GOSR1: variants seen among roughly 807,000 people sequenced by gnomAD.
GOSR1 encodes the protein 28 kDa Golgi SNARE protein.
A neutral mutation model predicts 35.5 loss-of-function variants in GOSR1; 21 were observed. The ratio of observed to expected loss-of-function variants is 0.59; its 90% CI spans 0.42 to 0.85. The LOEUF (loss-of-function observed/expected upper bound fraction) is 0.85. Among genes scored for constraint, GOSR1 ranks in the 40% least tolerant of loss-of-function variants. GOSR1 has a pLI of 0.00. For missense variants in GOSR1, 285 were observed against 309.6 expected, an observed-to-expected ratio of 0.92 and a Z score of 0.60; for synonymous variants, 94 against 106.6, an observed-to-expected ratio of 0.88 and a Z score of 0.73.
intron 1 of GOSR1, 94 bp downstream of exon 1, chr17:30,477,558 A>G: frequency 6.9e-7 from 1 of 1,445,358 alleles, no homozygotes; most frequent in Non-Finnish European, 9.3e-7. Context: ...AAAGAACCAG[A>G]CTCCCGGAGC....
chr17:30,497,023 T>G (rs1376155932), intron 6 of GOSR1, among the ~76,000 whole-genome samples: 1 of 152,252 alleles, frequency 6.6e-6, no homozygotes, highest in Non-Finnish European at 1.5e-5. Flanking sequence ...GTAGTCATGA[T>G]ATTTAAAATA....
intron 6 of GOSR1, among the ~76,000 whole-genome samples, chr17:30,502,607 G>A (rs1210195352): frequency 6.6e-6 from 1 of 152,062 alleles, no homozygotes; most frequent in African/African-American, 2.4e-5. Flanking sequence ...TTCACTTTCT[G>A]TCTCCCGGTA....
chr17:30,482,651 G>A (rs1183037142), intron 2 of GOSR1, among the ~76,000 whole-genome samples: 1 of 152,142 alleles, frequency 6.6e-6, no homozygotes, highest in Non-Finnish European at 1.5e-5. Context: ...GTATACATTT[G>A]AACAAAAAGC....
chr17:30,516,515 C>T (rs1218898259), intron 7 of GOSR1, among the ~76,000 whole-genome samples: 2 of 151,432 alleles, frequency 1.3e-5, no homozygotes, highest in Non-Finnish European at 2.9e-5. Context: ...TGGTAGTACC[C>T]CTCCATTCTT....
intron 2 of GOSR1, 114 bp downstream of exon 2, chr17:30,481,371 T>A (rs954387625): frequency 1.5e-6 from 1 of 666,220 alleles, no homozygotes; most frequent in Non-Finnish European, 2.5e-6. Context: ...ATTTTTGGTG[T>A]TTTGTTTTGC....
chr17:30,499,026 TC>T (rs1486471464), intron 6 of GOSR1, among the ~76,000 whole-genome samples: 2 of 152,166 alleles, frequency 1.3e-5, no homozygotes, highest in African/African-American at 2.4e-5. Context: ...CGTCCCTCAG[TC>T]CCGGGCAGCT....
chr17:30,516,103 T>A (rs1967797391), intron 7 of GOSR1, among the ~76,000 whole-genome samples: 1 of 152,054 alleles, frequency 6.6e-6, no homozygotes, highest in South Asian at 2.1e-4. Context: ...TTTCTTTTAT[T>A]AGACACTTGT....
At chr17:30,517,516 A>G (rs1041821658) in intron 7 of GOSR1, among the ~76,000 whole-genome samples, 17 of 152,012 alleles carry the variant, frequency 1.1e-4, no homozygotes, top group African/African-American at 4.1e-4. Flanking sequence ...ATACTAACTC[A>G]TCCTTTTTAA....
chr17:30,482,223 A>G (rs1391307995), intron 2 of GOSR1, among the ~76,000 whole-genome samples: 2 of 151,982 alleles, frequency 1.3e-5, no homozygotes, highest in South Asian at 2.1e-4. Context: ...TTATTCTACA[A>G]CTTTTTCTTT....
chr17:30,521,497 C>T (rs1283059905), intron 8 of GOSR1, among the ~76,000 whole-genome samples: 1 of 151,342 alleles, frequency 6.6e-6, no homozygotes, highest in African/African-American at 2.4e-5. Flanking sequence ...ACTAAGTTCC[C>T]TTAAGGCAAA....
At chr17:30,509,189 CTGG>C (rs1378918297) in intron 6 of GOSR1, among the ~76,000 whole-genome samples, 1 of 152,166 alleles carries the variant, frequency 6.6e-6, no homozygotes, top group Non-Finnish European at 1.5e-5. Context: ...GTTGGGCAGG[CTGG>C]TCAAGGACTC....
In GOSR1 at chr17:30,477,606, C is replaced by T. The variant is rs938420982; in HGVS notation, c.31+142C>T. The T allele has an allele frequency of 2.9e-6, 4 of 1,390,574 alleles. No individual in the cohort carries two copies. The African/African-American group carries it at 5.9e-5, about 20-fold the overall frequency. The allele number at this position is 1,390,574 out of a possible 1,614,324, so 86.1% of individuals were successfully genotyped here. On this transcript the variant is annotated intron_variant, in intron 1 of 8. Coordinates refer to ENST00000451249, the MANE Select transcript of GOSR1 (RefSeq NM_001007025.2). ...CAGCGGGGCTTGCCTAAGTGGGATC[C>T]CCGGGGCCTTGGGGATACCGAACGG...
chr17:30,517,236 A>G (rs769310687), intron 7 of GOSR1, among the ~76,000 whole-genome samples: 13 of 152,184 alleles, frequency 8.5e-5, no homozygotes, highest in Middle Eastern at 3.2e-3. Context: ...TATATTATCA[A>G]AATGTTCTTA....
chr17:30,516,386 C>T (rs1967811699), intron 7 of GOSR1, among the ~76,000 whole-genome samples: 1 of 151,292 alleles, frequency 6.6e-6, no homozygotes, highest in South Asian at 2.1e-4. Flanking sequence ...AGGAGAATGG[C>T]ATGAACCTGG....
chr17:30,514,890 C>CT (rs1175746267), intron 7 of GOSR1, among the ~76,000 whole-genome samples: 1 of 152,194 alleles, frequency 6.6e-6, no homozygotes, highest in East Asian at 1.9e-4. Flanking sequence ...TACATGAGCT[C>CT]TTTCGTGAGA....
intron 8 of GOSR1, among the ~76,000 whole-genome samples, chr17:30,521,355 G>T (rs1045207704): frequency 2.0e-5 from 3 of 151,098 alleles, no homozygotes; most frequent in Non-Finnish European, 4.4e-5. Context: ...GCTAATTTTT[G>T]TATGTTTTGT....
intron 2 of GOSR1, among the ~76,000 whole-genome samples, chr17:30,483,633 A>G (rs1333851845): frequency 6.6e-6 from 1 of 152,244 alleles, no homozygotes; most frequent in African/African-American, 2.4e-5. Flanking sequence ...ATCTGTGTCC[A>G]GTATAACTCT....
chr17:30,503,362 T>A (rs923820810), intron 6 of GOSR1, among the ~76,000 whole-genome samples: 1 of 152,164 alleles, frequency 6.6e-6, no homozygotes, highest in African/African-American at 2.4e-5. Context: ...TAGCTTATTG[T>A]TTTCAGCTAG....
In GOSR1 at chr17:30,499,489, A is replaced by C. The variant is rs187954941; in HGVS notation, c.509+6736A>C. Among the ~76,000 whole-genome samples, 283 of 152,130 alleles carry C rather than the reference A, an allele frequency of 1.9e-3. 2 individuals carry two copies. The highest frequency in any genetic ancestry group is 5.5e-3 in the African/African-American group (227 of 41,484). On this transcript the variant is annotated intron_variant, in intron 6 of 8. Transcript: ENST00000451249. ...CCCAAGTAGCTGGAACTACAGGCGC[A>C]TGCCACCACGCCCAGCTAATTTTTT... is the stretch of plus-strand genomic sequence containing the variant.
Sources: allele counts gnomAD v4.1 joint callset (sites outside exome capture counted in the v4.1 genomes callset), GRCh38; gene constraint gnomAD v4.1.1; transcripts MANE v1.5; gene names NCBI Gene and HGNC (gene_info 2026-07-23, HGNC 2026-07-21).